SVIL: variants seen among roughly 807,000 people sequenced by gnomAD.
SVIL encodes archvillin.
Under a neutral mutation model 240.4 loss-of-function variants are expected in SVIL, and 101 were observed. The observed-to-expected ratio is 0.42, with a 90% confidence interval of 0.36 to 0.50. SVIL has a LOEUF of 0.50. Among genes scored for constraint, SVIL ranks in the 20% least tolerant of loss-of-function variants. SVIL has a pLI of 0.01. For synonymous variants in SVIL, 999 were observed against 1,100.0 expected (o/e 0.91, Z 1.82); for missense variants, 2,512 against 2,818.7 (o/e 0.89, Z 2.46).
intron 1 of SVIL, among the ~76,000 whole-genome samples, chr10:29,632,490 CAA>C (rs372500753): frequency 1.4e-4 from 13 of 94,924 alleles, no homozygotes; most frequent in Non-Finnish European, 1.7e-4. Context: ...GACTCCATCT[CAA>C]AAAAAAAAAA....
rs1022792367 is a variant in SVIL at position 29,696,637 on chromosome 10, G to A, written c.-399-9986C>T. On this transcript the variant is annotated intron_variant, in intron 1 of 35. Coordinates refer to the SVIL transcript ENST00000375400. ...TGGGATGTGAGGAGCGCCTCGGCCC[G>A]GCCGCGACCCCGTTTGGGAGGTGAG... 2.7e-5 allele frequency among the ~76,000 whole-genome samples: 4 copies of A among 150,582 alleles called. No homozygotes were observed. The East Asian group carries it at 8.2e-4, about 31-fold the overall frequency.
At chr10:29,513,743 A>G (rs1326369781) in intron 16 of SVIL, among the ~76,000 whole-genome samples, 1 of 152,198 alleles carries the variant, frequency 6.6e-6, no homozygotes, top group Non-Finnish European at 1.5e-5. Context: ...ATTTTTTAAA[A>G]TTATCACTTC....
At chr10:29,688,755 A>C (rs575990619) in intron 1 of SVIL, among the ~76,000 whole-genome samples, 5 of 152,368 alleles carry the variant, frequency 3.3e-5, no homozygotes, top group Non-Finnish European at 7.3e-5. Context: ...CCCAGTGATC[A>C]GGATGTGTAT....
At position 29,523,558 on chromosome 10, in the gene SVIL, G is replaced by T. The variant is rs1182741384; in HGVS notation, c.3056C>A (p.Ser1019Tyr). Residue 1019 changes from serine (S) to tyrosine (Y), a missense_variant, in exon 15 of 38, where the codon TCC (serine) becomes TAC (tyrosine). By Grantham distance (144) the Ser-to-Tyr change is moderately radical. Around this residue, in one of 3 missense-constraint regions of SVIL, gnomAD observed 1,443 missense variants for 1,486.6 expected, o/e 0.97. Coordinates refer to ENST00000355867, the MANE Select transcript of SVIL (RefSeq NM_021738.3). The stretch of plus-strand genomic sequence containing the variant: ...TCCTTGTGCATTCATTTTAGCCATG[G>T]AAAATTCCTTCGGTTCATCCCCGAG... ...THLGDEPKEF[S>Y]MAKMNAQGNL... 1 of 1,614,188 alleles carries T rather than the reference G, an allele frequency of 6.2e-7. No homozygotes were observed. The highest frequency in any genetic ancestry group is 1.1e-5 in the South Asian group (1 of 91,084).
intron 17 of SVIL, among the ~76,000 whole-genome samples, chr10:29,502,065 G>C (rs1028602102): frequency 6.6e-6 from 1 of 152,196 alleles, no homozygotes; most frequent in African/African-American, 2.4e-5. Context: ...ACTTTGGGAT[G>C]ATACAACCAT....
chr10:29,576,990 C>T (rs553284900), intron 1 of SVIL, among the ~76,000 whole-genome samples: 42 of 152,270 alleles, frequency 2.8e-4, no homozygotes, highest in African/African-American at 9.9e-4. Context: ...AAGCGATTCC[C>T]CTGCCTCAGC....
At chr10:29,540,319 G>GGA (rs534778552) in intron 6 of SVIL, among the ~76,000 whole-genome samples, 1 of 152,110 alleles carries the variant, frequency 6.6e-6, no homozygotes, top group Non-Finnish European at 1.5e-5. Context: ...GACAGCCTCT[G>GGA]GAGAGAGAGA....
intron 1 of SVIL, among the ~76,000 whole-genome samples, chr10:29,620,322 A>G (rs564115543): frequency 2.0e-5 from 3 of 152,200 alleles, no homozygotes; most frequent in Non-Finnish European, 2.9e-5. Flanking sequence ...GGAAAAGAAA[A>G]GAAAGAAAAG....
chr10:29,589,886 TG>T (rs1663412525), intron 1 of SVIL, among the ~76,000 whole-genome samples: 1 of 152,090 alleles, frequency 6.6e-6, no homozygotes, highest in African/African-American at 2.4e-5. Flanking sequence ...ATAATGTTGT[TG>T]GCCAGGCGTG....
chr10:29,617,578 TAA>T lies in SVIL; in HGVS notation c.-201+16840_-201+16841del, dbSNP rs11345735. On this transcript the variant is annotated intron_variant, in intron 1 of 37. Coordinates refer to ENST00000355867, the MANE Select transcript of SVIL (RefSeq NM_021738.3). ...CCTGGGCGAAAAAGGAAAACTAATC[TAA>T]AAAAAAAAAAAGAAAGAAAGAAAAA... Among the ~76,000 whole-genome samples the T allele has an allele frequency of 8.5e-4, 118 of 139,508 alleles. 1 individual carries two copies. The highest frequency in any genetic ancestry group is 3.7e-3 in the Middle Eastern group (1 of 270). The allele number at this position is 139,508 out of a possible 152,430, so 91.5% of individuals were successfully genotyped here. A position where few individuals can be genotyped will look rare whatever the true frequency, so the allele number is the denominator to read the frequency against.
intron 3 of SVIL, among the ~76,000 whole-genome samples, chr10:29,645,680 T>TA (rs1958632824): frequency 6.6e-6 from 1 of 152,188 alleles, no homozygotes; most frequent in South Asian, 2.1e-4. Context: ...CAAGCAAAGA[T>TA]AAAATCCTTT....
intron 17 of SVIL, among the ~76,000 whole-genome samples, chr10:29,505,198 C>T (rs549096108): frequency 1.2e-4 from 18 of 152,118 alleles, no homozygotes; most frequent in South Asian, 6.2e-4. Context: ...TGGTGGCGGG[C>T]GCCTGCAATC....
intron 2 of SVIL, among the ~76,000 whole-genome samples, chr10:29,659,944 T>TA (rs1348284460): frequency 5.3e-5 from 8 of 152,076 alleles, no homozygotes; most frequent in African/African-American, 1.9e-4. Context: ...CAAACTGGTT[T>TA]AAAAAATCCT....
intron 1 of SVIL, among the ~76,000 whole-genome samples, chr10:29,713,287 T>TGTGC (rs1374579601): frequency 6.6e-6 from 1 of 151,888 alleles, no homozygotes; most frequent in East Asian, 1.9e-4. Flanking sequence ...TGTGTGTGTG[T>TGTGC]GTGCATGTGA....
chr10:29,641,309 G>A (rs554213495), intron 3 of SVIL, among the ~76,000 whole-genome samples: 115 of 152,174 alleles, frequency 7.6e-4, no homozygotes, highest in African/African-American at 2.4e-3. Context: ...GGTAGGTCTC[G>A]CCTGTAATCC....
At chr10:29,647,533 G>A (rs562516920) in intron 3 of SVIL, among the ~76,000 whole-genome samples, 46 of 152,170 alleles carry the variant, frequency 3.0e-4, no homozygotes, top group Admixed American at 1.5e-3. Context: ...ATTAAGACTT[G>A]TTCCAGTTTA....
chr10:29,615,574 A>C (rs938403420), intron 1 of SVIL, among the ~76,000 whole-genome samples: 2 of 152,266 alleles, frequency 1.3e-5, no homozygotes, highest in African/African-American at 4.8e-5. Flanking sequence ...GTTTGAATGA[A>C]TCAGAAGTGT....
rs760698492 is a variant in SVIL, at chr10:29,507,620, C to CACACACA, written c.3516+5114_3516+5115insTGTGTGT. 7 of 284,814 alleles carry CACACACA rather than the reference C, an allele frequency of 2.5e-5. No homozygotes were observed. In the South Asian group the frequency reaches 4.2e-4, roughly 17 times the overall value. 17.6% of individuals were successfully genotyped at this position (284,814 alleles called of 1,614,324 possible). A position where few individuals can be genotyped will look rare whatever the true frequency, so the allele number is the denominator to read the frequency against. ...TGCCACACACACACACACACACACACACCTCTCTTTCAAAGTGAAATGCAC... is the reference window on the plus strand; with the variant it reads ...TGCCACACACACACACACACACACACACACACAACCTCTCTTTCAAAGTGAAATGCAC... On this transcript the variant is annotated intron_variant, in intron 17 of 37. Coordinates refer to ENST00000355867, the MANE Select transcript of SVIL (RefSeq NM_021738.3).
chr10:29,554,770 G>C lies in SVIL; in HGVS notation c.160+13C>G. On this transcript the variant is annotated intron_variant, in intron 5 of 37. Coordinates refer to ENST00000355867, the MANE Select transcript of SVIL (RefSeq NM_021738.3). ...AGCCTGCTGGAAAATGGGCCACCCA[G>C]CTCCACGCTCACCGATGTGGGGGCT... The C allele has an allele frequency of 6.4e-7, 1 of 1,569,212 alleles. No homozygotes were observed. The highest frequency in any genetic ancestry group is 8.6e-7 in the Non-Finnish European group (1 of 1,159,606).
Sources: gnomAD v4.1 joint callset for allele counts (sites outside exome capture counted in the v4.1 genomes callset) on GRCh38, gnomAD v4.1.1 for gene constraint, gnomAD v4.1.1 regional missense constraint, MANE v1.5 for transcripts, NCBI Gene and HGNC (gene_info 2026-07-23, HGNC 2026-07-21) for gene names.